PLEKHG6: variants seen among roughly 807,000 people sequenced by gnomAD.
PLEKHG6 encodes the protein pleckstrin homology domain-containing family G member 6.
A neutral mutation model predicts 97.5 loss-of-function variants in PLEKHG6; 91 were observed. That is an observed-to-expected ratio of 0.93 (90% confidence interval 0.79 to 1.11). PLEKHG6 has a LOEUF of 1.11. Among genes scored for constraint, PLEKHG6 ranks in the 50% most tolerant of loss-of-function variants. PLEKHG6 has a pLI of 0.00. For synonymous variants in PLEKHG6, 466 were observed against 425.5 expected, an observed-to-expected ratio of 1.10 and a Z score of -1.17; for missense variants, 1,044 against 1,031.0, an observed-to-expected ratio of 1.01 and a Z score of -0.17.
rs149106966 is a variant in PLEKHG6, at chr12:6,312,282, G to T, written c.56G>T (p.Arg19Leu). ...CCCCTCCAAGGACTCGTGGCCTCCC[G>T]CATTGAGACTTATGGGGGCCGGCAT... Reference protein sequence around the residue: ...EGPLQGLVASRIETYGGRHRA... With the variant: ...EGPLQGLVASLIETYGGRHRA... The change falls in exon 2 of 16, where the codon CGC becomes CTC. Residue 19 changes from arginine to leucine, a missense_variant. Coordinates refer to ENST00000684764, the MANE Select transcript of PLEKHG6 (RefSeq NM_001384598.1). The T allele has an allele frequency of 3.2e-6, 5 of 1,558,270 alleles. No homozygotes were observed. Among genetic ancestry groups the T allele is most frequent in the South Asian group, 2.4e-5 (2 of 82,208 alleles).
chr12:6,327,612 C>G lies in PLEKHG6; in HGVS notation c.2029C>G (p.Arg677Gly). 6.3e-7 allele frequency: 1 copy of G among 1,579,122 alleles called. No homozygotes were observed. The highest frequency in any genetic ancestry group is 8.6e-7 in the Non-Finnish European group (1 of 1,162,402). ...WSEEEDGASERGNVVVETLHR... is the reference protein window; with the variant it reads ...WSEEEDGASEGGNVVVETLHR... ...TGAGGAAGAAGATGGGGCCTCCGAG[C>G]GAGGGAATGTGGTGGTGGAAACACT... Residue 677 changes from arginine to glycine, a missense_variant, in exon 15 of 16, where the codon CGA becomes GGA. By Grantham distance (125) the Arg-to-Gly change is moderately radical (BLOSUM62 -2). Transcript: ENST00000684764.
At chr12:6,320,124 G>A (rs924628047) in intron 13 of PLEKHG6, among the ~76,000 whole-genome samples, 6 of 152,156 alleles carry the variant, frequency 3.9e-5, no homozygotes, top group Non-Finnish European at 7.4e-5. Flanking sequence ...AAGAGTAGAC[G>A]CAGCAGGGAG....
At chr12:6,313,860 C>T in intron 3 of PLEKHG6, 76 bp downstream of exon 3, 2 of 1,390,766 alleles carry the variant, frequency 1.4e-6, no homozygotes, top group South Asian at 1.4e-5. Context: ...CCAGCAAGCT[C>T]CGGGAGCTGA....
At chr12:6,326,049 C>G (rs994134866) in intron 13 of PLEKHG6, among the ~76,000 whole-genome samples, 3 of 152,076 alleles carry the variant, frequency 2.0e-5, no homozygotes, top group Non-Finnish European at 2.9e-5. Flanking sequence ...GCTTACACGT[C>G]TAATTCCAGC....
At chr12:6,325,919 C>A (rs1300926407) in intron 13 of PLEKHG6, among the ~76,000 whole-genome samples, 2 of 152,144 alleles carry the variant, frequency 1.3e-5, no homozygotes, top group East Asian at 1.9e-4. Flanking sequence ...TAAGAAGTAC[C>A]CCCTCAGACA....
chr12:6,319,750 C>A lies in PLEKHG6; in HGVS notation c.1524+642C>A, dbSNP rs185613618. 3.7e-6 allele frequency: 5 copies of A among 1,366,706 alleles called. No individual in the cohort carries two copies. In the African/African-American group the frequency reaches 4.4e-5, roughly 12 times the overall value. 84.7% of individuals were successfully genotyped at this position (1,366,706 alleles called of 1,614,324 possible). On this transcript the variant is annotated intron_variant, in intron 13 of 15. Coordinates refer to ENST00000684764, the MANE Select transcript of PLEKHG6 (RefSeq NM_001384598.1). ...ACATTTACAGGGCACTTGCTGAGTA[C>A]GGCAGGCACTAGAGCTAGGTGCTAG...
At chr12:6,325,594 A>T (rs533067615) in intron 13 of PLEKHG6, among the ~76,000 whole-genome samples, 54 of 152,310 alleles carry the variant, frequency 3.5e-4, no homozygotes, top group African/African-American at 1.3e-3. Context: ...TCAGCCTGGG[A>T]CAAAGCCCAC....
chr12:6,327,024 A>T (rs1245042754), intron 14 of PLEKHG6, among the ~76,000 whole-genome samples: 4 of 152,212 alleles, frequency 2.6e-5, no homozygotes, highest in Admixed American at 2.6e-4. Flanking sequence ...TACCCACTCG[A>T]TACAAGATCC....
rs1050753689 is a variant in PLEKHG6, at chr12:6,314,835, C to G, written c.295-170C>G. On this transcript the variant is annotated intron_variant, in intron 3 of 15. Coordinates refer to ENST00000684764, the MANE Select transcript of PLEKHG6 (RefSeq NM_001384598.1). ...TCCAGCTGGGGCCGACCCCTGTTCT[C>G]TAGGCCTCCATGTCCCCACTCATAC... Among the ~76,000 whole-genome samples, 6 of 152,210 alleles carry G rather than the reference C, an allele frequency of 3.9e-5. No individual in the cohort carries two copies. The East Asian group carries it at 9.6e-4, about 24-fold the overall frequency.
At chr12:6,318,519 G>A (rs1947574659) in intron 11 of PLEKHG6, 99 bp downstream of exon 11, 1 of 1,426,054 alleles carries the variant, frequency 7.0e-7, no homozygotes, top group Non-Finnish European at 9.4e-7. Flanking sequence ...TGGGGAAGAG[G>A]ATGTGGTTCT....
At position 6,312,276 on chromosome 12, in the gene PLEKHG6, C is replaced by T. The variant is rs1253447103; in HGVS notation, c.50C>T (p.Ala17Val). The T allele has an allele frequency of 1.9e-6, 3 of 1,553,564 alleles. No individual in the cohort carries two copies. Among genetic ancestry groups the T allele is most frequent in the South Asian group, 2.5e-5 (2 of 81,496 alleles). The part of the protein sequence containing the change: ...PHEGPLQGLV[A>V]SRIETYGGRH... ...GAGGGCCCCCTCCAAGGACTCGTGG[C>T]CTCCCGCATTGAGACTTATGGGGGC... The change falls in exon 2 of 16, where the codon GCC becomes GTC. Residue 17 changes from alanine (A) to valine (V), a missense_variant. Physicochemically the swap from Ala to Val is moderately conservative, Grantham distance 64. Coordinates refer to ENST00000684764, the MANE Select transcript of PLEKHG6 (RefSeq NM_001384598.1).
At chr12:6,317,270 CCTG>C in intron 7 of PLEKHG6, 30 bp from the exon 8 acceptor site, 1 of 1,409,088 alleles carries the variant, frequency 7.1e-7, no homozygotes, top group Non-Finnish European at 1.0e-6. Flanking sequence ...TCTCCCCATG[CCTG>C]CTCCCCACCT....
Position 6,327,801 on chromosome 12 carries a change from A to G in PLEKHG6, c.2218A>G (p.Arg740Gly), listed in dbSNP as rs374611798. 5.1e-5 allele frequency: 77 copies of G among 1,517,822 alleles called. No homozygotes were observed. The highest frequency in any genetic ancestry group is 2.2e-4 in the Admixed American group (10 of 44,472). 94.0% of individuals were successfully genotyped at this position (1,517,822 alleles called of 1,614,324 possible). A position where few individuals can be genotyped will look rare whatever the true frequency, so the allele number is the denominator to read the frequency against. ...CCCAATGCGGGCTGAGGACATGCTC[A>G]GAGAGATCCGGGAGGAGCTGGCCAG... The part of the protein sequence containing the change: ...LRPMRAEDML[R>G]EIREELASQR... The change falls in exon 15 of 16, where the codon AGA (arginine) becomes GGA (glycine). Residue 740 changes from arginine (R) to glycine (G), a missense_variant. Arg to Gly is a moderately radical substitution (Grantham distance 125). Coordinates refer to ENST00000684764, the MANE Select transcript of PLEKHG6 (RefSeq NM_001384598.1).
intron 3 of PLEKHG6, among the ~76,000 whole-genome samples, chr12:6,314,662 G>A (rs1434006795): frequency 1.3e-5 from 2 of 152,110 alleles, no homozygotes; most frequent in Non-Finnish European, 2.9e-5. Flanking sequence ...GTCTGTTTCT[G>A]TCCCTCCCCC....
In PLEKHG6 at chr12:6,318,801, C is replaced by T. The variant is rs1393169898; in HGVS notation, c.1332C>T (p.Arg444=). ...SDVLLVTKPQ[R]KADKAKVIRP... Reference sequence around the variant, plus strand: ...TGCTCCTTGTGACCAAGCCCCAGCGCAAGGCGGACAAAGCCAAGGTCATCC... The same window carrying T: ...TGCTCCTTGTGACCAAGCCCCAGCGTAAGGCGGACAAAGCCAAGGTCATCC... The change falls in exon 12 of 16, where the codon CGC becomes CGT. Residue 444 remains arginine (R), a synonymous_variant. Coordinates refer to ENST00000684764, the MANE Select transcript of PLEKHG6 (RefSeq NM_001384598.1). 5 of 1,614,056 alleles carry T rather than the reference C, an allele frequency of 3.1e-6. No individual in the cohort carries two copies. The African/African-American group carries it at 6.7e-5, about 22-fold the overall frequency.
intron 15 of PLEKHG6, 52 bp downstream of exon 15, chr12:6,327,998 A>T: frequency 6.7e-7 from 1 of 1,502,578 alleles, no homozygotes; most frequent in Non-Finnish European, 9.0e-7. Context: ...GGATGTCTGT[A>T]TGGTGGTGGG....
chr12:6,312,886 C>A lies in PLEKHG6; in HGVS notation c.138+522C>A, dbSNP rs113559360. 32,355 of 1,357,410 alleles carry A rather than the reference C, an allele frequency of 0.024. 438 individuals carry two copies. Among genetic ancestry groups the A allele is most frequent in the Non-Finnish European group, 0.028 (29,368 of 1,048,834 alleles). The allele number at this position is 1,357,410 out of a possible 1,614,324, so 84.1% of individuals were successfully genotyped here. A position where few individuals can be genotyped will look rare whatever the true frequency, so the allele number is the denominator to read the frequency against. Reference sequence around the variant, plus strand: ...AAGCAGAGGGGTGTGGAAGCCAGGTCTGTCCCTCAGCCTGCAGGTTTCCCC... The same window carrying A: ...AAGCAGAGGGGTGTGGAAGCCAGGTATGTCCCTCAGCCTGCAGGTTTCCCC... On this transcript the variant is annotated intron_variant, in intron 2 of 15. Transcript: ENST00000684764.
chr12:6,312,584 A>C, intron 2 of PLEKHG6: 1 of 1,273,002 alleles, frequency 7.9e-7, no homozygotes, highest in South Asian at 2.1e-5. Context: ...AGGCGGAGCC[A>C]GGAGAAGCCA....
intron 7 of PLEKHG6, among the ~76,000 whole-genome samples, 173 bp from the exon 8 acceptor site, chr12:6,317,130 G>A (rs1947493688): frequency 6.6e-6 from 1 of 152,232 alleles, no homozygotes; most frequent in South Asian, 2.1e-4. Flanking sequence ...CAGAGAAAGG[G>A]GCGTAGCCTC....
Sources: gnomAD v4.1 joint callset for allele counts (sites outside exome capture counted in the v4.1 genomes callset) on GRCh38, gnomAD v4.1.1 for gene constraint, MANE v1.5 for transcripts, NCBI Gene and HGNC (gene_info 2026-07-23, HGNC 2026-07-21) for gene names.